Variants in SLC25A26 observed in about 807,000 individuals in gnomAD.
The protein encoded by SLC25A26 is solute carrier family 25 member 26.
Under a neutral mutation model 37.8 loss-of-function variants are expected in SLC25A26, and 36 were observed. The observed-to-expected ratio is 0.95, with a 90% CI of 0.73 to 1.26. The LOEUF is 1.26. Among genes scored for constraint, SLC25A26 ranks in the 50% most tolerant of loss-of-function variants. SLC25A26 has a pLI of 0.00. For missense variants in SLC25A26, 390 were observed against 331.1 expected, an observed-to-expected ratio of 1.18 and a Z score of -1.38; for synonymous variants, 129 against 122.5, an observed-to-expected ratio of 1.05 and a Z score of -0.35.
At chr3:66,264,416 C>A (rs190684588) in intron 5 of SLC25A26, among the ~76,000 whole-genome samples, 1 of 152,124 alleles carries the variant, frequency 6.6e-6, no homozygotes, top group African/African-American at 2.4e-5. Context: ...TGTACTGGTC[C>A]GTGGCCTGGT....
At chr3:66,304,704 C>G (rs2075168352) in intron 5 of SLC25A26, among the ~76,000 whole-genome samples, 1 of 152,194 alleles carries the variant, frequency 6.6e-6, no homozygotes, top group African/African-American at 2.4e-5. Context: ...AGTTTCCTTT[C>G]TCTCTGTACA....
At chr3:66,183,259 C>T (rs1325878992) in intron 1 of SLC25A26, among the ~76,000 whole-genome samples, 1 of 151,962 alleles carries the variant, frequency 6.6e-6, no homozygotes, top group Non-Finnish European at 1.5e-5. Context: ...TTCACTCTGA[C>T]ACAGGACATG....
At chr3:66,347,871 A>G (rs957276597) in intron 6 of SLC25A26, among the ~76,000 whole-genome samples, 1 of 152,206 alleles carries the variant, frequency 6.6e-6, no homozygotes, top group African/African-American at 2.4e-5. Context: ...AAACTAATGC[A>G]GGAACAGAAA....
At chr3:66,200,002 T>G (rs983573709) in intron 1 of SLC25A26, among the ~76,000 whole-genome samples, 2 of 152,198 alleles carry the variant, frequency 1.3e-5, no homozygotes, top group Non-Finnish European at 2.9e-5. Flanking sequence ...AATATGAAAA[T>G]AATTTTCAGA....
At chr3:66,289,956 A>G (rs1463024928) in intron 5 of SLC25A26, among the ~76,000 whole-genome samples, 2 of 152,126 alleles carry the variant, frequency 1.3e-5, no homozygotes, top group African/African-American at 4.8e-5. Context: ...ATGAGCATGG[A>G]ATGTTTTTCC....
At chr3:66,278,114 A>G (rs1056926426) in intron 5 of SLC25A26, among the ~76,000 whole-genome samples, 1 of 152,164 alleles carries the variant, frequency 6.6e-6, no homozygotes, top group African/African-American at 2.4e-5. Context: ...GGTTTTGATA[A>G]GTGTACTGTA....
At chr3:66,180,904 G>A (rs1446759432) in intron 1 of SLC25A26, among the ~76,000 whole-genome samples, 1 of 152,116 alleles carries the variant, frequency 6.6e-6, no homozygotes, top group African/African-American at 2.4e-5. Flanking sequence ...GCAAGAGTGG[G>A]GACCTAATCC....
At chr3:66,312,493 G>C (rs972979705) in intron 5 of SLC25A26, among the ~76,000 whole-genome samples, 1 of 149,900 alleles carries the variant, frequency 6.7e-6, no homozygotes, top group Admixed American at 6.6e-5. Context: ...GGAGTAAACA[G>C]TTCTGTCTCA....
chr3:66,260,824 A>C (rs528252451), intron 3 of SLC25A26, among the ~76,000 whole-genome samples: 1 of 152,230 alleles, frequency 6.6e-6, no homozygotes, highest in African/African-American at 2.4e-5. Context: ...CTAAAACAGC[A>C]TAGTTGAACA....
At chr3:66,290,928 T>C (rs1045704490) in intron 5 of SLC25A26, among the ~76,000 whole-genome samples, 1 of 152,214 alleles carries the variant, frequency 6.6e-6, no homozygotes, top group Non-Finnish European at 1.5e-5. Context: ...AATTCGGCTG[T>C]GAATCCGTCT....
chr3:66,329,641 TGAAAG>T (rs1206697556), intron 5 of SLC25A26, among the ~76,000 whole-genome samples: 3 of 152,210 alleles, frequency 2.0e-5, no homozygotes, highest in Non-Finnish European at 4.4e-5. Flanking sequence ...GTAAGAAAAT[TGAAAG>T]AAGAAAGGCA....
chr3:66,304,247 C>A (rs917994293), intron 5 of SLC25A26, among the ~76,000 whole-genome samples: 2 of 152,164 alleles, frequency 1.3e-5, no homozygotes, highest in African/African-American at 4.8e-5. Context: ...CGGTCCCATC[C>A]ACACTGGATG....
intron 1 of SLC25A26, among the ~76,000 whole-genome samples, chr3:66,145,889 A>T (rs28599612): frequency 0.34 from 51,364 of 152,010 alleles, 8,878 homozygotes; most frequent in African/African-American, 0.4. Context: ...AATTGTTTTG[A>T]AAAAAAGCAA....
intron 3 of SLC25A26, among the ~76,000 whole-genome samples, chr3:66,253,350 G>A (rs1251887453): frequency 6.6e-6 from 1 of 150,726 alleles, no homozygotes; most frequent in Non-Finnish European, 1.5e-5. Flanking sequence ...GGTGGAGCTT[G>A]CAGATCGCGC....
intron 3 of SLC25A26, among the ~76,000 whole-genome samples, chr3:66,258,739 A>C (rs1337500561): frequency 6.6e-6 from 1 of 151,916 alleles, no homozygotes; most frequent in Non-Finnish European, 1.5e-5. Context: ...GGCACCACCT[A>C]CTCAGGAGGC....
At chr3:66,361,312 C>CA (rs1255409501) in intron 6 of SLC25A26, among the ~76,000 whole-genome samples, 1 of 152,096 alleles carries the variant, frequency 6.6e-6, no homozygotes, top group African/African-American at 2.4e-5. Context: ...AACACAGGAT[C>CA]AAAAAATCTT....
At chr3:66,198,916 C>T (rs1469278681) in intron 1 of SLC25A26, among the ~76,000 whole-genome samples, 1 of 151,872 alleles carries the variant, frequency 6.6e-6, no homozygotes, top group Non-Finnish European at 1.5e-5. Flanking sequence ...TGTATCTTGA[C>T]CCTCACCCTG....
At chr3:66,317,750 C>G (rs2075579130) in intron 5 of SLC25A26, among the ~76,000 whole-genome samples, 1 of 152,322 alleles carries the variant, frequency 6.6e-6, no homozygotes, top group East Asian at 1.9e-4. Flanking sequence ...ACAGCCGCCC[C>G]TCCTCCTAGG....
At position 66,226,506 on chromosome 3, in the gene SLC25A26, C is replaced by T. The variant is rs571713195; in HGVS notation, c.33+5379C>T. The stretch of plus-strand genomic sequence containing the variant: ...CTTTTTTTTTTGAGACAAGGTCTTC[C>T]TCTGTTGCCCAGGCTGGAGTGCAGT... On this transcript the variant is annotated intron_variant, in intron 1 of 9. Transcript: ENST00000354883. 9.2e-5 allele frequency among the ~76,000 whole-genome samples: 14 copies of T among 152,144 alleles called. No homozygotes were observed. In the East Asian group the frequency reaches 1.2e-3, roughly 13 times the overall value.
Sources: allele counts gnomAD v4.1 joint callset (sites outside exome capture counted in the v4.1 genomes callset), GRCh38; gene constraint gnomAD v4.1.1; transcripts MANE v1.5; gene names NCBI Gene and HGNC (gene_info 2026-07-23, HGNC 2026-07-21).